The following KCNQ3 variants were observed in gnomAD, a reference collection of about 807,000 sequenced individuals.
KCNQ3 encodes the protein potassium voltage-gated channel subfamily Q member 3.
A neutral mutation model predicts 92.5 loss-of-function variants in KCNQ3; 30 were observed. That is an observed-to-expected ratio of 0.32 (90% CI 0.24 to 0.44). KCNQ3 has a LOEUF of 0.44. KCNQ3 is among the 20% of genes least tolerant of loss of function. The pLI, the probability that KCNQ3 is intolerant of heterozygous loss-of-function variation, is 1.00. For synonymous variants in KCNQ3, 450 were observed against 468.8 expected, an observed-to-expected ratio of 0.96 and a Z score of 0.52; for missense variants, 913 against 1,140.3, an observed-to-expected ratio of 0.80 and a Z score of 2.87.
chr8:132,130,274 G>C (rs922920476), intron 14 of KCNQ3, among the ~76,000 whole-genome samples: 2 of 151,988 alleles, frequency 1.3e-5, no homozygotes, highest in African/African-American at 4.8e-5. Context: ...TAGAGACGGG[G>C]TTTCACAATC....
intron 7 of KCNQ3, among the ~76,000 whole-genome samples, chr8:132,171,636 A>G (rs1298538637): frequency 6.6e-6 from 1 of 152,182 alleles, no homozygotes; most frequent in Non-Finnish European, 1.5e-5. Context: ...AAAGTGTTTA[A>G]TATTTTGCAC....
At chr8:132,335,929 C>T (rs562423833) in intron 1 of KCNQ3, among the ~76,000 whole-genome samples, 1 of 152,178 alleles carries the variant, frequency 6.6e-6, no homozygotes, top group African/African-American at 2.4e-5. Context: ...ATGATAAACA[C>T]CAGGAGGCCC....
chr8:132,260,548 G>A (rs769639349), intron 1 of KCNQ3, among the ~76,000 whole-genome samples: 5 of 152,170 alleles, frequency 3.3e-5, no homozygotes, highest in Non-Finnish European at 7.4e-5. Flanking sequence ...AGAAGAGGAA[G>A]AGAGGAAGAG....
At chr8:132,469,287 T>C (rs1339060029) in intron 1 of KCNQ3, among the ~76,000 whole-genome samples, 1 of 152,204 alleles carries the variant, frequency 6.6e-6, no homozygotes, top group African/African-American at 2.4e-5. Flanking sequence ...GAACCCAATA[T>C]AGACAAGGTC....
At chr8:132,260,963 CCT>C (rs1265437285) in intron 1 of KCNQ3, among the ~76,000 whole-genome samples, 2 of 152,016 alleles carry the variant, frequency 1.3e-5, no homozygotes, top group African/African-American at 2.4e-5. Flanking sequence ...AATAAAATTC[CCT>C]CTTTTAAAGT....
chr8:132,434,207 C>CAAAA (rs546958236), intron 1 of KCNQ3, among the ~76,000 whole-genome samples: 1 of 130,748 alleles, frequency 7.6e-6, no homozygotes, highest in African/African-American at 2.9e-5. Context: ...GACTCCGTCT[C>CAAAA]AAAAAAAAAA....
intron 1 of KCNQ3, 43 bp downstream of exon 1, chr8:132,480,104 A>C (rs1395927808): frequency 1.3e-6 from 2 of 1,585,594 alleles, no homozygotes; most frequent in East Asian, 2.3e-5. Flanking sequence ...CAAGTCCCCA[A>C]GCGCGCCGCC....
At chr8:132,339,408 A>G (rs1391509258) in intron 1 of KCNQ3, among the ~76,000 whole-genome samples, 6 of 152,158 alleles carry the variant, frequency 3.9e-5, no homozygotes, top group Admixed American at 3.9e-4. Context: ...CCAATTCCAA[A>G]TGCCTAGGAA....
Position 132,257,259 on chromosome 8 carries a change from T to C in KCNQ3, c.387-71078A>G, listed in dbSNP as rs1815620206. The stretch of plus-strand genomic sequence containing the variant: ...AAAAAGTAGTTTAAAGAAAGGAGAA[T>C]TAAAGCAGTGCACTAGACAATCTAT... On this transcript the variant is annotated intron_variant, in intron 1 of 14. Transcript: ENST00000388996. 2.6e-5 allele frequency among the ~76,000 whole-genome samples: 4 copies of C among 152,124 alleles called. No homozygotes were observed. In the South Asian group the frequency reaches 8.3e-4, roughly 32 times the overall value.
At chr8:132,187,188 AGGTTCTACCCAT>A in intron 1 of KCNQ3, 1 of 456,060 alleles carries the variant, frequency 2.2e-6, no homozygotes, top group Non-Finnish European at 4.4e-6. Context: ...TACTCTACTT[AGGTTCTACCCAT>A]GCTTTTTTGG....
chr8:132,239,568 A>G (rs1814921877), intron 1 of KCNQ3, among the ~76,000 whole-genome samples: 2 of 152,258 alleles, frequency 1.3e-5, no homozygotes, highest in Admixed American at 6.5e-5. Context: ...TGAAACCAAC[A>G]GACTGCAAAA....
At chr8:132,438,712 C>T (rs985491513) in intron 1 of KCNQ3, among the ~76,000 whole-genome samples, 2 of 151,848 alleles carry the variant, frequency 1.3e-5, no homozygotes, top group South Asian at 2.1e-4. Context: ...AAAGAGACAG[C>T]GAGACTGAGC....
At chr8:132,215,598 G>A (rs980901012) in intron 1 of KCNQ3, among the ~76,000 whole-genome samples, 2 of 152,154 alleles carry the variant, frequency 1.3e-5, no homozygotes, top group African/African-American at 2.4e-5. Context: ...ATCTTTTACT[G>A]TTTCCCACGC....
rs1824456882 is a variant in KCNQ3 at position 132,121,164 on chromosome 8, A to T, written c.*8098T>A. The T allele has an allele frequency of 6.6e-6, 1 of 152,204 alleles. No individual in the cohort carries two copies. The highest frequency in any genetic ancestry group is 2.1e-4 in the South Asian group (1 of 4,828). The allele number at this position is 152,204 out of a possible 1,614,324, so 9.4% of individuals were successfully genotyped here. A position where few individuals can be genotyped will look rare whatever the true frequency, so the allele number is the denominator to read the frequency against. ...GCAAGGCACCAGAATTCTATGCCAT[A>T]AAAAGGGGTTAAAAAATACAATCCA... On this transcript the variant is annotated 3_prime_UTR_variant, in exon 15 of 15. Transcript: ENST00000388996.
chr8:132,245,338 T>C (rs892830242), intron 1 of KCNQ3, among the ~76,000 whole-genome samples: 1 of 152,194 alleles, frequency 6.6e-6, no homozygotes, highest in African/African-American at 2.4e-5. Flanking sequence ...TTGTTCAGTG[T>C]CATCATTCTG....
chr8:132,360,910 G>T (rs1819147933), intron 1 of KCNQ3, among the ~76,000 whole-genome samples: 1 of 152,180 alleles, frequency 6.6e-6, no homozygotes, highest in African/African-American at 2.4e-5. Context: ...GACAGGGAGG[G>T]ACTGTGACCT....
chr8:132,262,848 C>A (rs1815834686), intron 1 of KCNQ3, among the ~76,000 whole-genome samples: 1 of 152,134 alleles, frequency 6.6e-6, no homozygotes, highest in Non-Finnish European at 1.5e-5. Context: ...AACTGAAACA[C>A]CGCCACTCAC....
intron 1 of KCNQ3, among the ~76,000 whole-genome samples, chr8:132,234,459 G>T (rs1814745322): frequency 6.8e-6 from 1 of 146,694 alleles, no homozygotes; most frequent in South Asian, 2.2e-4. Context: ...GTTCTGGAAA[G>T]CCAGTCCTAT....
intron 1 of KCNQ3, among the ~76,000 whole-genome samples, chr8:132,448,196 A>C (rs778827747): frequency 6.6e-6 from 1 of 152,122 alleles, no homozygotes; most frequent in Non-Finnish European, 1.5e-5. Context: ...CCAAAGACAC[A>C]GGTGGGGAAT....
Sources: allele counts gnomAD v4.1 joint callset (sites outside exome capture counted in the v4.1 genomes callset), GRCh38; gene constraint gnomAD v4.1.1; transcripts MANE v1.5; gene names NCBI Gene and HGNC (gene_info 2026-07-23, HGNC 2026-07-21).